Variants in PTPRN2 observed in about 807,000 individuals in gnomAD.
PTPRN2 encodes the protein receptor-type tyrosine-protein phosphatase N2.
PTPRN2 carries 74 observed loss-of-function variants against 118.8 expected under a neutral mutation model. The ratio of observed to expected loss-of-function variants is 0.62; its 90% CI spans 0.52 to 0.76. The LOEUF (loss-of-function observed/expected upper bound fraction) is 0.76, where lower values mean the gene tolerates loss of function less well. PTPRN2 is among the 30% of genes least tolerant of loss of function. The probability of loss-of-function intolerance (pLI) is 0.00; values close to 1 mark genes in which losing one functional copy is unlikely to be tolerated. For synonymous variants in PTPRN2, 641 were observed against 608.0 expected (o/e 1.05, Z -0.80); for missense variants, 1,481 against 1,394.4 (o/e 1.06, Z -0.99).
chr7:158,083,854 G>A (rs549694895), intron 10 of PTPRN2, among the ~76,000 whole-genome samples: 1 of 151,386 alleles, frequency 6.6e-6, no homozygotes, highest in Non-Finnish European at 1.5e-5. Flanking sequence ...GGGAGGACGG[G>A]GCATGAGGAG....
chr7:158,424,174 C>T (rs1815494128), intron 2 of PTPRN2, among the ~76,000 whole-genome samples: 1 of 152,164 alleles, frequency 6.6e-6, no homozygotes, highest in Non-Finnish European at 1.5e-5. Context: ...GCGCATCCCA[C>T]AGGTGGATGC....
At position 157,990,990 on chromosome 7, in the gene PTPRN2, G is replaced by A. The variant is rs10949681; in HGVS notation, c.1723+90308C>T. Among the ~76,000 whole-genome samples the A allele has an allele frequency of 0.8, 121,494 of 152,220 alleles. 48,630 individuals are homozygous for A. The highest frequency in any genetic ancestry group is 0.81 in the Non-Finnish European group (55,253 of 67,998). On this transcript the variant is annotated intron_variant, in intron 11 of 22. Coordinates refer to ENST00000389418, the MANE Select transcript of PTPRN2 (RefSeq NM_002847.5). The surrounding 1 kb of genome is among the most constrained non-coding windows in gnomAD (Gnocchi z 4.3). ...TTCCCTGGCCCTGGCCAGAGTCCAC[G>A]TCTGACTCTGAAGGTGTGCGGGGTG... is the stretch of plus-strand genomic sequence containing the variant.
chr7:158,324,058 TGCACAC>T (rs1259173404), intron 2 of PTPRN2, among the ~76,000 whole-genome samples: 1 of 21,578 alleles, frequency 4.6e-5, no homozygotes, highest in Non-Finnish European at 1.4e-4. Context: ...TTTGCAAACG[TGCACAC>T]ACACACACAC....
chr7:158,147,693 G>A (rs868148951), intron 6 of PTPRN2, among the ~76,000 whole-genome samples: 243 of 137,076 alleles, frequency 1.8e-3, no homozygotes, highest in Admixed American at 4.0e-3. Context: ...CCCATCTCAC[G>A]CCACACGTCT....
rs905741265 is a variant in PTPRN2, at chr7:157,845,410, T to G, written c.1788+53263A>C. Among the ~76,000 whole-genome samples, 3 of 142,366 alleles carry G rather than the reference T, an allele frequency of 2.1e-5. No individual in the cohort carries two copies. Among genetic ancestry groups the G allele is most frequent in the African/African-American group, 9.2e-5 (3 of 32,736 alleles). 93.4% of individuals were successfully genotyped at this position (142,366 alleles called of 152,430 possible). On this transcript the variant is annotated intron_variant, in intron 12 of 22. Transcript: ENST00000389418. The surrounding 1 kb of genome is among the most constrained non-coding windows in gnomAD (Gnocchi z 4.5). ...GAATCACGCAGCCTAACTCACCAGGTTACTGGCCTAACTCACCATGTTCCC... is the reference window on the plus strand; with the variant it reads ...GAATCACGCAGCCTAACTCACCAGGGTACTGGCCTAACTCACCATGTTCCC...
At chr7:158,166,156 CAGT>C (rs146046709) in intron 6 of PTPRN2, among the ~76,000 whole-genome samples, 12,213 of 143,386 alleles carry the variant, frequency 0.085, 1,268 homozygotes, top group African/African-American at 0.19. Context: ...TCAGCTTCAG[CAGT>C]AGAATTGTGA....
rs1209527733 is a variant in PTPRN2, at chr7:158,517,604, T to C, written c.113-27819A>G. Among the ~76,000 whole-genome samples the C allele has an allele frequency of 1.3e-5, 2 of 152,108 alleles. No individual in the cohort carries two copies. The highest frequency in any genetic ancestry group is 2.9e-5 in the Non-Finnish European group (2 of 68,028). Reference sequence around the variant, plus strand: ...ATCTTTACAAAATGCAAAGGTCATATTGCTCCTGAGCTGCAATGCCCTCAG... The same window carrying C: ...ATCTTTACAAAATGCAAAGGTCATACTGCTCCTGAGCTGCAATGCCCTCAG... On this transcript the variant is annotated intron_variant, in intron 1 of 22. Coordinates refer to ENST00000389418, the MANE Select transcript of PTPRN2 (RefSeq NM_002847.5). This position sits in a 1 kb window ranked among gnomAD's most constrained non-coding sequence, Gnocchi z 5.3.
intron 1 of PTPRN2, among the ~76,000 whole-genome samples, chr7:158,583,359 C>A (rs866776464): frequency 4.6e-5 from 7 of 152,250 alleles, no homozygotes; most frequent in Admixed American, 1.3e-4. Flanking sequence ...GGAGACCCAA[C>A]ATGCTGACAT....
At chr7:157,744,423 C>T (rs1377938138) in intron 12 of PTPRN2, among the ~76,000 whole-genome samples, 3 of 152,168 alleles carry the variant, frequency 2.0e-5, no homozygotes, top group African/African-American at 7.2e-5. Context: ...ATCCCAGCAT[C>T]GGGCCGTGAT....
intron 17 of PTPRN2, among the ~76,000 whole-genome samples, chr7:157,586,391 G>T (rs1405397004): frequency 6.6e-6 from 1 of 152,204 alleles, no homozygotes; most frequent in Admixed American, 6.5e-5. Flanking sequence ...TGTCCAGGGG[G>T]TGGAACAGGA....
intron 9 of PTPRN2, among the ~76,000 whole-genome samples, chr7:158,119,463 G>C (rs1414622512): frequency 2.0e-5 from 3 of 152,156 alleles, no homozygotes; most frequent in African/African-American, 7.2e-5. Context: ...GTGTGGAAGA[G>C]TATGGAGACT....
chr7:157,949,987 A>G (rs1490864954), intron 11 of PTPRN2, among the ~76,000 whole-genome samples: 1 of 152,254 alleles, frequency 6.6e-6, no homozygotes, highest in African/African-American at 2.4e-5. Context: ...TAAAGGTTGT[A>G]CTTGAATCAC....
At chr7:158,469,537 A>AAAG (rs1819687929) in intron 2 of PTPRN2, among the ~76,000 whole-genome samples, 1 of 152,226 alleles carries the variant, frequency 6.6e-6, no homozygotes, top group Non-Finnish European at 1.5e-5. Context: ...CTTTTTAAAG[A>AAAG]AAGAAGAAGC....
intron 11 of PTPRN2, among the ~76,000 whole-genome samples, chr7:157,922,748 G>A (rs1289999542): frequency 3.3e-5 from 5 of 152,156 alleles, no homozygotes; most frequent in African/African-American, 4.8e-5. Flanking sequence ...GTCACGGCAC[G>A]CTGCGGCACC....
intron 12 of PTPRN2, among the ~76,000 whole-genome samples, chr7:157,702,691 ATCAG>A (rs1287452525): frequency 6.6e-6 from 1 of 152,222 alleles, no homozygotes; most frequent in Non-Finnish European, 1.5e-5. Flanking sequence ...TCATCTGTTG[ATCAG>A]TCTACAGGTC....
intron 12 of PTPRN2, among the ~76,000 whole-genome samples, chr7:157,709,242 C>G (rs368487309): frequency 5.9e-5 from 9 of 152,368 alleles, no homozygotes; most frequent in African/African-American, 2.2e-4. Context: ...ATACGTGCCA[C>G]AGATCAATAC....
intron 21 of PTPRN2, among the ~76,000 whole-genome samples, chr7:157,551,804 C>T (rs544221398): frequency 1.8e-4 from 26 of 145,530 alleles, no homozygotes; most frequent in African/African-American, 4.6e-4. Flanking sequence ...ACAGCCACCA[C>T]GCACCCCACA....
chr7:157,677,059 AG>A (rs1232087727), intron 13 of PTPRN2, among the ~76,000 whole-genome samples: 1 of 152,114 alleles, frequency 6.6e-6, no homozygotes, highest in African/African-American at 2.4e-5. Context: ...GCTGGAGTGC[AG>A]GGTGAGCACG....
intron 12 of PTPRN2, among the ~76,000 whole-genome samples, chr7:157,774,092 G>A (rs1319829436): frequency 6.6e-6 from 1 of 152,220 alleles, no homozygotes; most frequent in African/African-American, 2.4e-5. Flanking sequence ...CCATGACACG[G>A]ACCTACTTAC....
Sources: gnomAD v4.1 joint callset for allele counts (sites outside exome capture counted in the v4.1 genomes callset) on GRCh38, gnomAD v4.1.1 for gene constraint, Gnocchi (gnomAD v3.1) non-coding constraint, MANE v1.5 for transcripts, NCBI Gene and HGNC (gene_info 2026-07-23, HGNC 2026-07-21) for gene names.